Variants in NDUFA9 observed in about 807,000 individuals in gnomAD.
The protein encoded by NDUFA9 is NADH:ubiquinone oxidoreductase subunit A9.
A neutral mutation model predicts 45.9 loss-of-function variants in NDUFA9; 23 were observed. That is an observed-to-expected ratio of 0.50 (90% CI 0.36 to 0.71). The LOEUF (loss-of-function observed/expected upper bound fraction) is 0.71, where lower values mean the gene tolerates loss of function less well. Ranked by LOEUF, NDUFA9 falls within the 30% of genes least tolerant of loss-of-function variation. NDUFA9 has a pLI of 0.00. For missense variants in NDUFA9, 466 were observed against 488.2 expected (o/e 0.95, Z 0.43); for synonymous variants, 176 against 170.5 (o/e 1.03, Z -0.25).
rs568649334 is a variant in NDUFA9 at position 4,689,661 on chromosome 12, T to G, written c.*2553T>G. The G allele has an allele frequency of 4.6e-4, 85 of 186,128 alleles. 1 individual carries two copies. Among genetic ancestry groups the G allele is most frequent in the Non-Finnish European group, 7.6e-4 (72 of 94,224 alleles). 11.5% of individuals were successfully genotyped at this position (186,128 alleles called of 1,614,324 possible). On this transcript the variant is annotated 3_prime_UTR_variant, in exon 11 of 11. Coordinates refer to ENST00000266544, the MANE Select transcript of NDUFA9 (RefSeq NM_005002.5). ...GCATCCCAAGGCAGAAGAATTTTTC[T>G]TAGTACAGAACAAAGTGAAGTCTCC...
rs756911872 is a variant in NDUFA9, at chr12:4,669,814, T to C, written c.797T>C (p.Val266Ala). 1.9e-6 allele frequency: 3 copies of C among 1,608,724 alleles called. No homozygotes were observed. Among genetic ancestry groups the C allele is most frequent in the East Asian group, 2.2e-5 (1 of 44,796 alleles). The change falls in exon 8 of 11, where the codon GTT becomes GCT. Residue 266 changes from valine (V) to alanine (A), a missense_variant. By Grantham distance (64) the Val-to-Ala change is moderately conservative. Coordinates refer to ENST00000266544, the MANE Select transcript of NDUFA9 (RefSeq NM_005002.5). ...GCCAATGGGAAATCCTTTGCTTTCG[T>C]TGGGTAAGTGCTTAGAGTTTGAATT... ...PDANGKSFAF[V>A]GPSRYLLFHL...
intron 8 of NDUFA9, among the ~76,000 whole-genome samples, chr12:4,680,634 C>T (rs1029348936): frequency 6.6e-6 from 1 of 152,158 alleles, no homozygotes; most frequent in Admixed American, 6.5e-5. Flanking sequence ...TTGCTCTTGG[C>T]GTAGCATGTA....
At chr12:4,666,013 C>T (rs12298315) in intron 6 of NDUFA9, among the ~76,000 whole-genome samples, 318 of 152,186 alleles carry the variant, frequency 2.1e-3, no homozygotes, top group African/African-American at 7.2e-3. Flanking sequence ...CTCTCTTGCC[C>T]GGGCTGGACT....
chr12:4,693,007 G>C lies in NDUFA9; in HGVS notation c.*5899G>C, dbSNP rs1034892648. On this transcript the variant is annotated 3_prime_UTR_variant, in exon 11 of 11. Transcript: ENST00000266544. ...TCCTTTAAAACCTCTGTACTAGGCC[G>C]GGTGCAGTGGCTCGCGCCTGTAATC... 1.3e-5 allele frequency: 2 copies of C among 152,254 alleles called. No homozygotes were observed. Among genetic ancestry groups the C allele is most frequent in the African/African-American group, 4.8e-5 (2 of 41,424 alleles). 9.4% of individuals were successfully genotyped at this position (152,254 alleles called of 1,614,324 possible).
chr12:4,668,608 T>G, intron 7 of NDUFA9, 84 bp downstream of exon 7: 1 of 1,230,494 alleles, frequency 8.1e-7, no homozygotes, highest in Non-Finnish European at 1.2e-6. Context: ...TTGTCCTAAT[T>G]TAGTAACTCT....
chr12:4,669,227 A>G (rs990919015), intron 7 of NDUFA9, among the ~76,000 whole-genome samples: 1 of 152,232 alleles, frequency 6.6e-6, no homozygotes, highest in African/African-American at 2.4e-5. Flanking sequence ...ACAACTGAAA[A>G]TGACTCTAGA....
At chr12:4,663,658 A>C (rs189711714) in intron 6 of NDUFA9, among the ~76,000 whole-genome samples, 1 of 152,350 alleles carries the variant, frequency 6.6e-6, no homozygotes, top group African/African-American at 2.4e-5. Flanking sequence ...GCCAGCCTCC[A>C]GAACTGTGAG....
chr12:4,678,954 A>ACAAATT (rs1945936686), intron 8 of NDUFA9, among the ~76,000 whole-genome samples: 1 of 152,226 alleles, frequency 6.6e-6, no homozygotes, highest in Non-Finnish European at 1.5e-5. Flanking sequence ...ATGTGTCTAC[A>ACAAATT]CAAAGATTTG....
intron 8 of NDUFA9, among the ~76,000 whole-genome samples, chr12:4,672,422 G>A (rs1945892782): frequency 6.6e-6 from 1 of 152,204 alleles, no homozygotes. Context: ...AAGCCAGGGA[G>A]CCAAGTGATC....
In NDUFA9 at chr12:4,657,741, A is replaced by C. The variant is rs749842374; in HGVS notation, c.319-7A>C. The C allele has an allele frequency of 1.2e-6, 2 of 1,605,222 alleles. No individual in the cohort carries two copies. Among genetic ancestry groups the C allele is most frequent in the East Asian group, 4.5e-5 (2 of 44,822 alleles). ...TGTTTTCATCCGATTGCTTTCTGCTATTATAGGAATGGGACGCGAGAGATA... is the reference window on the plus strand; with the variant it reads ...TGTTTTCATCCGATTGCTTTCTGCTCTTATAGGAATGGGACGCGAGAGATA... On this transcript the variant is annotated splice_polypyrimidine_tract_variant and splice_region_variant and intron_variant, in intron 3 of 10. Coordinates refer to ENST00000266544, the MANE Select transcript of NDUFA9 (RefSeq NM_005002.5).
At chr12:4,672,164 A>G (rs1565569771) in intron 8 of NDUFA9, among the ~76,000 whole-genome samples, 1 of 152,166 alleles carries the variant, frequency 6.6e-6, no homozygotes, top group Non-Finnish European at 1.5e-5. Context: ...CTCCTAGCCA[A>G]GGGAAGCCAT....
At chr12:4,673,548 C>T (rs143097930) in intron 8 of NDUFA9, among the ~76,000 whole-genome samples, 99 of 152,134 alleles carry the variant, frequency 6.5e-4, no homozygotes, top group African/African-American at 2.0e-3. Context: ...TATCAATAGC[C>T]GAATCGATCA....
In NDUFA9 at chr12:4,691,820, G is replaced by C. The variant is rs933206555; in HGVS notation, c.*4712G>C. On this transcript the variant is annotated 3_prime_UTR_variant, in exon 11 of 11. Coordinates refer to ENST00000266544, the MANE Select transcript of NDUFA9 (RefSeq NM_005002.5). The stretch of plus-strand genomic sequence containing the variant: ...ATCCTGTGAGGGCCAGGATGGGGGG[G>C]GGGGTCATGGGTCATCTGTGTTTGC... 1 of 152,050 alleles carries C rather than the reference G, an allele frequency of 6.6e-6. No homozygotes were observed. Among genetic ancestry groups the C allele is most frequent in the Non-Finnish European group, 1.5e-5 (1 of 68,144 alleles). 9.4% of individuals were successfully genotyped at this position (152,050 alleles called of 1,614,324 possible).
chr12:4,653,132 A>G (rs1192169882), intron 1 of NDUFA9, among the ~76,000 whole-genome samples: 1 of 152,270 alleles, frequency 6.6e-6, no homozygotes, highest in East Asian at 1.9e-4. Flanking sequence ...CTAAAATTCT[A>G]TTCTAAGGAG....
At chr12:4,667,520 T>C (rs1378953776) in intron 6 of NDUFA9, 1 of 246,546 alleles carries the variant, frequency 4.1e-6, no homozygotes, top group South Asian at 3.5e-5. Context: ...CTCTTTTTTT[T>C]TTTTTTTTTG....
At position 4,658,979 on chromosome 12, in the gene NDUFA9, G is replaced by A. The variant is rs941529561; in HGVS notation, c.411-57G>A. The A allele has an allele frequency of 7.3e-6, 11 of 1,513,364 alleles. No homozygotes were observed. In the African/African-American group the frequency reaches 1.3e-4, roughly 17 times the overall value. The allele number at this position is 1,513,364 out of a possible 1,614,324, so 93.7% of individuals were successfully genotyped here. A position where few individuals can be genotyped will look rare whatever the true frequency, so the allele number is the denominator to read the frequency against. On this transcript the variant is annotated intron_variant, in intron 4 of 10. Coordinates refer to ENST00000266544, the MANE Select transcript of NDUFA9 (RefSeq NM_005002.5). The stretch of plus-strand genomic sequence containing the variant: ...TATGAAAACCATCTTATCACGTAAA[G>A]CTTTGAGATCCTGTGTGTGGAGTTC...
chr12:4,671,417 A>G (rs1246284142), intron 8 of NDUFA9, among the ~76,000 whole-genome samples: 1 of 152,126 alleles, frequency 6.6e-6, no homozygotes, highest in Non-Finnish European at 1.5e-5. Context: ...ATAATAGAAT[A>G]TTTAAGTATA....
At chr12:4,657,685 C>A in intron 3 of NDUFA9, 63 bp from the exon 4 acceptor site, 1 of 1,197,734 alleles carries the variant, frequency 8.3e-7, no homozygotes, top group Non-Finnish European at 1.2e-6. Context: ...GAGGAGGCTG[C>A]AGAAGTGTTG....
At position 4,687,273 on chromosome 12, in the gene NDUFA9, T is replaced by C. The variant is rs1369934889; in HGVS notation, c.*165T>C. 1.5e-5 allele frequency: 9 copies of C among 614,686 alleles called. No individual in the cohort carries two copies. Among genetic ancestry groups the C allele is most frequent in the East Asian group, 1.2e-4 (4 of 33,376 alleles). 38.1% of individuals were successfully genotyped at this position (614,686 alleles called of 1,614,324 possible). On this transcript the variant is annotated 3_prime_UTR_variant, in exon 11 of 11. Transcript: ENST00000266544. ...CTTCCTTGATTTACAAAATGAGAAA[T>C]GTAGTCACTTAGAACTTGAGCATGA...
Sources: allele counts gnomAD v4.1 joint callset (sites outside exome capture counted in the v4.1 genomes callset), GRCh38; gene constraint gnomAD v4.1.1; transcripts MANE v1.5; gene names NCBI Gene and HGNC (gene_info 2026-07-23, HGNC 2026-07-21).